Variants in NLGN1 observed in about 807,000 individuals in gnomAD.
NLGN1 encodes the protein neuroligin-1.
Under a neutral mutation model 65.5 loss-of-function variants are expected in NLGN1, and 12 were observed. That is an observed-to-expected ratio of 0.18 (90% CI 0.12 to 0.30). The LOEUF is 0.30. Ranked by LOEUF, NLGN1 falls within the 10% of genes least tolerant of loss-of-function variation. The probability of loss-of-function intolerance (pLI) is 1.00; values close to 1 mark genes in which losing one functional copy is unlikely to be tolerated. For synonymous variants in NLGN1, 350 were observed against 359.5 expected, an observed-to-expected ratio of 0.97 and a Z score of 0.30; for missense variants, 750 against 1,007.1, an observed-to-expected ratio of 0.74 and a Z score of 3.46.
intron 4 of NLGN1, among the ~76,000 whole-genome samples, chr3:174,029,304 G>T (rs1729462310): frequency 6.6e-6 from 1 of 152,198 alleles, no homozygotes; most frequent in South Asian, 2.1e-4. Context: ...TCTTGCATCA[G>T]TGTGACCTGG....
chr3:173,978,921 C>T (rs557612324), intron 4 of NLGN1, among the ~76,000 whole-genome samples: 1 of 150,492 alleles, frequency 6.6e-6, no homozygotes, highest in East Asian at 2.0e-4. Flanking sequence ...ACAAGAATCA[C>T]TTGAACCCTG....
chr3:174,122,748 C>T (rs1038969666), intron 4 of NLGN1, among the ~76,000 whole-genome samples: 1 of 152,066 alleles, frequency 6.6e-6, no homozygotes, highest in African/African-American at 2.4e-5. Flanking sequence ...AAATCATTTC[C>T]TACCCTTGCT....
intron 3 of NLGN1, among the ~76,000 whole-genome samples, chr3:173,608,559 A>G (rs1424149561): frequency 6.6e-6 from 1 of 151,832 alleles, no homozygotes; most frequent in Non-Finnish European, 1.5e-5. Flanking sequence ...TTTTATCTCT[A>G]TTTTACAAGT....
intron 4 of NLGN1, among the ~76,000 whole-genome samples, chr3:173,845,853 T>C (rs1423614642): frequency 2.0e-5 from 3 of 152,186 alleles, no homozygotes; most frequent in Non-Finnish European, 4.4e-5. Context: ...TTTTCTTAAG[T>C]GTTTTTTAAT....
chr3:174,121,979 C>T (rs1221324054), intron 4 of NLGN1, among the ~76,000 whole-genome samples: 11 of 152,148 alleles, frequency 7.2e-5, no homozygotes, highest in South Asian at 6.2e-4. Context: ...TTTACACCCA[C>T]GCTCTCCTCC....
intron 4 of NLGN1, among the ~76,000 whole-genome samples, chr3:174,169,541 C>T (rs1728141489): frequency 6.6e-6 from 1 of 151,964 alleles, no homozygotes; most frequent in South Asian, 2.1e-4. Context: ...TGCTGTACCA[C>T]AATTAATGTG....
At chr3:173,493,045 A>G (rs1729440885) in intron 2 of NLGN1, among the ~76,000 whole-genome samples, 1 of 151,842 alleles carries the variant, frequency 6.6e-6, no homozygotes, top group African/African-American at 2.4e-5. Flanking sequence ...GTAAAAAGTG[A>G]GAGCTGCACT....
chr3:174,191,770 G>T (rs1732434729), intron 4 of NLGN1, among the ~76,000 whole-genome samples: 2 of 151,990 alleles, frequency 1.3e-5, no homozygotes, highest in Non-Finnish European at 2.9e-5. Context: ...ATGTACTTCA[G>T]ATTTTCAGGT....
chr3:173,968,394 T>C (rs141452723), intron 4 of NLGN1, among the ~76,000 whole-genome samples: 363 of 152,254 alleles, frequency 2.4e-3, no homozygotes, highest in Middle Eastern at 0.024. Context: ...CAACTGATTA[T>C]GGGATATATC....
chr3:173,971,884 C>T (rs1363570380), intron 4 of NLGN1, among the ~76,000 whole-genome samples: 1 of 152,058 alleles, frequency 6.6e-6, no homozygotes, highest in East Asian at 2.0e-4. Context: ...TGACTCTGGC[C>T]TTAGGCTACT....
chr3:174,134,957 T>A (rs1390483541), intron 4 of NLGN1, among the ~76,000 whole-genome samples: 1 of 152,204 alleles, frequency 6.6e-6, no homozygotes, highest in African/African-American at 2.4e-5. Context: ...CTGATATTTA[T>A]GCTTCCTTTT....
intron 4 of NLGN1, among the ~76,000 whole-genome samples, chr3:174,054,939 C>T (rs553857524): frequency 4.1e-4 from 62 of 152,072 alleles, no homozygotes; most frequent in South Asian, 1.5e-3. Flanking sequence ...TTTGGTTTCT[C>T]CTTCCTGTAA....
At chr3:174,203,382 A>G (rs1030558014) in intron 4 of NLGN1, among the ~76,000 whole-genome samples, 3 of 152,248 alleles carry the variant, frequency 2.0e-5, no homozygotes, top group African/African-American at 7.2e-5. Flanking sequence ...TCTGTGAAAC[A>G]TAAACACTCA....
At chr3:173,668,336 C>T (rs1253461984) in intron 3 of NLGN1, among the ~76,000 whole-genome samples, 2 of 152,024 alleles carry the variant, frequency 1.3e-5, no homozygotes, top group African/African-American at 4.8e-5. Flanking sequence ...AGAAAAATAC[C>T]AGGCTCAACT....
chr3:174,100,783 A>G (rs1712257260), intron 4 of NLGN1, among the ~76,000 whole-genome samples: 1 of 152,076 alleles, frequency 6.6e-6, no homozygotes, highest in South Asian at 2.1e-4. Context: ...AGGGGTAAGA[A>G]AGGTGCCCCT....
chr3:173,610,476 T>G (rs1752112819), intron 3 of NLGN1, among the ~76,000 whole-genome samples: 1 of 151,840 alleles, frequency 6.6e-6, no homozygotes, highest in Admixed American at 6.6e-5. Context: ...TACTCTAATA[T>G]AGAAGGTAAA....
chr3:173,984,476 A>C (rs1719463181), intron 4 of NLGN1, among the ~76,000 whole-genome samples: 1 of 152,192 alleles, frequency 6.6e-6, no homozygotes, highest in Non-Finnish European at 1.5e-5. Context: ...AAAAAATTCA[A>C]ATTATTCTGT....
chr3:173,949,026 A>G lies in NLGN1; in HGVS notation c.646+141194A>G, dbSNP rs895352158. 4.6e-5 allele frequency among the ~76,000 whole-genome samples: 7 copies of G among 151,646 alleles called. No homozygotes were observed. The East Asian group carries it at 9.6e-4, about 21-fold the overall frequency. On this transcript the variant is annotated intron_variant, in intron 4 of 6. Coordinates refer to ENST00000457714, the Ensembl canonical transcript of NLGN1. Reference sequence around the variant, plus strand: ...ATTTGCAGACACCTCTCTTCACTAAATTTTTTTTTAACTATGGTCAACCTA... The same window carrying G: ...ATTTGCAGACACCTCTCTTCACTAAGTTTTTTTTTAACTATGGTCAACCTA...
chr3:173,533,244 G>A (rs1736886905), intron 2 of NLGN1, among the ~76,000 whole-genome samples: 2 of 152,176 alleles, frequency 1.3e-5, no homozygotes, highest in South Asian at 4.1e-4. Flanking sequence ...ATTTAAAAAA[G>A]CAAACATTGG....
Sources: allele counts gnomAD v4.1 joint callset (sites outside exome capture counted in the v4.1 genomes callset), GRCh38; gene constraint gnomAD v4.1.1; transcripts MANE v1.5; gene names NCBI Gene and HGNC (gene_info 2026-07-23, HGNC 2026-07-21).